CDH12: variants seen among roughly 807,000 people sequenced by gnomAD.
The protein encoded by CDH12 is cadherin-12.
A neutral mutation model predicts 74.1 loss-of-function variants in CDH12; 41 were observed. The observed-to-expected ratio is 0.55, with a 90% CI of 0.43 to 0.72. CDH12 has a LOEUF of 0.72. Ranked by LOEUF, CDH12 falls within the 30% of genes least tolerant of loss-of-function variation. The pLI is 0.00. For synonymous variants in CDH12, 399 were observed against 355.0 expected (o/e 1.12, Z -1.39); for missense variants, 945 against 977.2 (o/e 0.97, Z 0.44).
At chr5:22,366,452 C>T (rs992580717) in intron 3 of CDH12, among the ~76,000 whole-genome samples, 1 of 152,092 alleles carries the variant, frequency 6.6e-6, no homozygotes, top group South Asian at 2.1e-4. Flanking sequence ...TCTTATATAA[C>T]ATCTTTGTCC....
At chr5:22,036,193 AT>A (rs929618890) in intron 5 of CDH12, among the ~76,000 whole-genome samples, 1 of 152,150 alleles carries the variant, frequency 6.6e-6, no homozygotes, top group African/African-American at 2.4e-5. Context: ...GAACATATCA[AT>A]TTTTTTAGCC....
rs571866771 is a variant in CDH12, at chr5:21,755,965, T to G, written c.1634-123A>C. 1.5e-4 allele frequency: 138 copies of G among 910,438 alleles called. No homozygotes were observed. In the East Asian group the frequency reaches 3.4e-3, roughly 22 times the overall value. 56.4% of individuals were successfully genotyped at this position (910,438 alleles called of 1,614,324 possible). A position where few individuals can be genotyped will look rare whatever the true frequency, so the allele number is the denominator to read the frequency against. On this transcript the variant is annotated intron_variant, in intron 13 of 14. Transcript: ENST00000382254. ...CAGGAAAATGGATTCTTATTTTTTT[T>G]ATTTCTGTTCACATTATGAAAACTG...
intron 3 of CDH12, among the ~76,000 whole-genome samples, chr5:22,286,309 T>G (rs1737131509): frequency 6.6e-6 from 1 of 152,188 alleles, no homozygotes; most frequent in African/African-American, 2.4e-5. Context: ...CTCTCTTCAA[T>G]TAATCAGACA....
At chr5:22,704,311 C>T (rs1236634311) in intron 1 of CDH12, among the ~76,000 whole-genome samples, 3 of 152,064 alleles carry the variant, frequency 2.0e-5, no homozygotes, top group Non-Finnish European at 4.4e-5. Flanking sequence ...CTAACAGGTG[C>T]CACCACCATA....
At chr5:22,488,667 G>A (rs1430966519) in intron 2 of CDH12, among the ~76,000 whole-genome samples, 2 of 152,004 alleles carry the variant, frequency 1.3e-5, no homozygotes, top group African/African-American at 4.8e-5. Context: ...ATTATCCTAG[G>A]GCCAACTACC....
intron 2 of CDH12, among the ~76,000 whole-genome samples, chr5:22,449,737 T>C (rs1314478950): frequency 6.6e-6 from 1 of 152,052 alleles, no homozygotes; most frequent in African/African-American, 2.4e-5. Flanking sequence ...ACTTATTTTA[T>C]ATCTGTTATA....
At chr5:22,410,413 A>G (rs1046822119) in intron 2 of CDH12, among the ~76,000 whole-genome samples, 1 of 152,038 alleles carries the variant, frequency 6.6e-6, no homozygotes, top group Non-Finnish European at 1.5e-5. Context: ...CCTGCCCCAG[A>G]CTCGCAGGGA....
At chr5:22,425,525 A>C (rs933917300) in intron 2 of CDH12, among the ~76,000 whole-genome samples, 2 of 152,028 alleles carry the variant, frequency 1.3e-5, no homozygotes, top group Non-Finnish European at 2.9e-5. Flanking sequence ...TACACTTATA[A>C]TATGAAATAT....
At chr5:21,973,851 T>C (rs1454749582) in intron 6 of CDH12, among the ~76,000 whole-genome samples, 1 of 152,186 alleles carries the variant, frequency 6.6e-6, no homozygotes, top group Non-Finnish European at 1.5e-5. Context: ...TTCTTTCCAA[T>C]TGGACTTCTA....
chr5:22,470,618 G>T lies in CDH12; in HGVS notation c.-428+34652C>A, dbSNP rs556375196. On this transcript the variant is annotated intron_variant, in intron 2 of 14. Coordinates refer to ENST00000382254, the MANE Select transcript of CDH12 (RefSeq NM_004061.5). The stretch of plus-strand genomic sequence containing the variant: ...AAAATTTTTGTAGAGATAAGGTCTT[G>T]CTATGTTTCCCAGGCTGTTGTTGAA... Among the ~76,000 whole-genome samples the T allele has an allele frequency of 4.6e-5, 7 of 151,958 alleles. No individual in the cohort carries two copies. The South Asian group carries it at 1.0e-3, about 23-fold the overall frequency.
intron 10 of CDH12, among the ~76,000 whole-genome samples, chr5:21,784,087 A>C (rs1282340698): frequency 6.6e-6 from 1 of 152,184 alleles, no homozygotes; most frequent in Non-Finnish European, 1.5e-5. Flanking sequence ...TCAGGTCAAC[A>C]TTAGAAAAAC....
chr5:22,254,173 AAT>A (rs1460253788), intron 3 of CDH12, among the ~76,000 whole-genome samples: 1 of 151,900 alleles, frequency 6.6e-6, no homozygotes, highest in African/African-American at 2.4e-5. Flanking sequence ...TATATACATG[AAT>A]AACTAGGTTT....
chr5:22,225,056 G>A (rs1752147964), intron 3 of CDH12, among the ~76,000 whole-genome samples: 1 of 151,850 alleles, frequency 6.6e-6, no homozygotes, highest in Non-Finnish European at 1.5e-5. Context: ...TTTGTGGGTT[G>A]AAATAATGCC....
At chr5:21,980,943 T>C (rs1757278092) in intron 5 of CDH12, among the ~76,000 whole-genome samples, 1 of 152,162 alleles carries the variant, frequency 6.6e-6, no homozygotes, top group Non-Finnish European at 1.5e-5. Flanking sequence ...ACAATTAAAT[T>C]GCTAAATATC....
At chr5:22,466,596 T>C (rs1165010739) in intron 2 of CDH12, among the ~76,000 whole-genome samples, 6 of 152,088 alleles carry the variant, frequency 3.9e-5, no homozygotes, top group Non-Finnish European at 8.8e-5. Context: ...CCACAGGCTC[T>C]GGAGTGATAA....
intron 1 of CDH12, among the ~76,000 whole-genome samples, chr5:22,802,440 T>A (rs1748582946): frequency 6.6e-6 from 1 of 152,114 alleles, no homozygotes. Flanking sequence ...AATTCTAATT[T>A]CTAAGAGTTA....
At chr5:22,144,761 A>G (rs995054192) in intron 4 of CDH12, among the ~76,000 whole-genome samples, 1 of 152,130 alleles carries the variant, frequency 6.6e-6, no homozygotes, top group African/African-American at 2.4e-5. Context: ...GTTACAAATT[A>G]AAATAAAAAA....
intron 5 of CDH12, among the ~76,000 whole-genome samples, chr5:22,057,230 T>C (rs555759727): frequency 5.9e-5 from 9 of 152,290 alleles, no homozygotes. Flanking sequence ...TAAAACTTTA[T>C]TTACAAAAAG....
intron 1 of CDH12, among the ~76,000 whole-genome samples, chr5:22,568,737 T>C (rs1410216743): frequency 1.3e-5 from 2 of 152,174 alleles, no homozygotes; most frequent in Non-Finnish European, 2.9e-5. Context: ...GCAAATATCA[T>C]AACAAAGTGA....
Sources: gnomAD v4.1 joint callset for allele counts (sites outside exome capture counted in the v4.1 genomes callset) on GRCh38, gnomAD v4.1.1 for gene constraint, MANE v1.5 for transcripts, NCBI Gene and HGNC (gene_info 2026-07-23, HGNC 2026-07-21) for gene names.